Variants in DISC1 observed in about 807,000 individuals in gnomAD.
DISC1 encodes the protein DISC1 scaffold protein, also known as disrupted in schizophrenia 1 protein.
A neutral mutation model predicts 84.5 loss-of-function variants in DISC1; 57 were observed. The observed-to-expected ratio is 0.67, with a 90% CI of 0.55 to 0.84. DISC1 has a LOEUF of 0.84. Among genes scored for constraint, DISC1 ranks in the 40% least tolerant of loss-of-function variants. The pLI, the probability that DISC1 is intolerant of heterozygous loss-of-function variation, is 0.00. For missense variants in DISC1, 1,000 were observed against 1,057.8 expected (o/e 0.95, Z 0.76); for synonymous variants, 411 against 415.2 (o/e 0.99, Z 0.12).
intron 6 of DISC1, among the ~76,000 whole-genome samples, chr1:231,779,565 T>G (rs561710056): frequency 0.14 from 19,490 of 139,622 alleles, 1,043 homozygotes; most frequent in African/African-American, 0.18. Context: ...TTTTTTTTTT[T>G]TTTTTTTTTT....
At position 232,039,894 on chromosome 1, in the gene DISC1, G is replaced by C. The variant is rs1385747789; in HGVS notation, c.*3063G>C. 2 of 152,202 alleles carry C rather than the reference G, an allele frequency of 1.3e-5. No individual in the cohort carries two copies. The highest frequency in any genetic ancestry group is 1.3e-4 in the Admixed American group (2 of 15,278). The allele number at this position is 152,202 out of a possible 1,614,324, so 9.4% of individuals were successfully genotyped here. A position where few individuals can be genotyped will look rare whatever the true frequency, so the allele number is the denominator to read the frequency against. On this transcript the variant is annotated 3_prime_UTR_variant, in exon 13 of 13. Coordinates refer to ENST00000439617, the MANE Select transcript of DISC1 (RefSeq NM_018662.3). Reference sequence around the variant, plus strand: ...TGATATTATACTGTCTGCCTTGCTGGAATGCTGGCTTTCAAATGGTCACCC... The same window carrying C: ...TGATATTATACTGTCTGCCTTGCTGCAATGCTGGCTTTCAAATGGTCACCC...
chr1:231,854,840 C>T (rs758518632), intron 9 of DISC1: 13 of 329,900 alleles, frequency 3.9e-5, no homozygotes, highest in African/African-American at 1.3e-4. Context: ...CCTCAGCCTC[C>T]GGAGTAGCTG....
chr1:231,810,391 C>T (rs199930342), intron 8 of DISC1, among the ~76,000 whole-genome samples: 6 of 152,144 alleles, frequency 3.9e-5, no homozygotes, highest in Non-Finnish European at 7.3e-5. Flanking sequence ...TTACTATTTT[C>T]CCTCTTTCTA....
chr1:231,878,978 T>C (rs1183271595), intron 9 of DISC1, among the ~76,000 whole-genome samples: 1 of 152,202 alleles, frequency 6.6e-6, no homozygotes, highest in African/African-American at 2.4e-5. Context: ...TAGACCATGA[T>C]TTAATTATCA....
intron 9 of DISC1, among the ~76,000 whole-genome samples, chr1:231,952,090 CAAAAAAAAAAAAA>C (rs11392611): frequency 3.3e-4 from 18 of 54,244 alleles, no homozygotes; most frequent in African/African-American, 1.0e-3. Flanking sequence ...CTCAATGTCT[CAAAAAAAAAAAAA>C]AAAAAAAAAA....
At chr1:231,673,047 A>C (rs2062775592) in intron 1 of DISC1, among the ~76,000 whole-genome samples, 1 of 152,194 alleles carries the variant, frequency 6.6e-6, no homozygotes, top group Admixed American at 6.5e-5. Context: ...TGGTGAGTGC[A>C]GGGGGACTCC....
intron 1 of DISC1, among the ~76,000 whole-genome samples, chr1:231,646,339 T>C (rs2060131672): frequency 6.6e-6 from 1 of 152,152 alleles, no homozygotes; most frequent in Admixed American, 6.5e-5. Context: ...GAACTCATCC[T>C]TTTTTATGGC....
chr1:231,818,559 AT>A (rs756693120), intron 9 of DISC1, 42 bp downstream of exon 9: 1 of 1,611,762 alleles, frequency 6.2e-7, no homozygotes, highest in Non-Finnish European at 8.5e-7. Context: ...TATTGATGAT[AT>A]TTGTTGTGTT....
At chr1:231,952,458 C>A (rs1341954047) in intron 9 of DISC1, among the ~76,000 whole-genome samples, 4 of 152,038 alleles carry the variant, frequency 2.6e-5, no homozygotes, top group Non-Finnish European at 5.9e-5. Flanking sequence ...CTTGAGAGTT[C>A]TAGCTAAACT....
intron 10 of DISC1, among the ~76,000 whole-genome samples, chr1:231,963,083 T>C (rs1480856615): frequency 6.6e-6 from 1 of 152,176 alleles, no homozygotes; most frequent in Non-Finnish European, 1.5e-5. Flanking sequence ...ACCAATCTGG[T>C]CATTGCACAA....
At chr1:232,001,210 C>T (rs963205578) in intron 10 of DISC1, among the ~76,000 whole-genome samples, 2 of 152,160 alleles carry the variant, frequency 1.3e-5, no homozygotes, top group African/African-American at 4.8e-5. Context: ...TCCTGAGTAG[C>T]TGGAACTACA....
chr1:231,744,868 A>G (rs202112559), intron 3 of DISC1, among the ~76,000 whole-genome samples: 2 of 152,186 alleles, frequency 1.3e-5, no homozygotes, highest in Non-Finnish European at 2.9e-5. Flanking sequence ...ACTCATAAAC[A>G]ATTGTTTAAA....
At chr1:231,745,873 A>G (rs1352148311) in intron 3 of DISC1, among the ~76,000 whole-genome samples, 1 of 152,004 alleles carries the variant, frequency 6.6e-6, no homozygotes, top group East Asian at 1.9e-4. Context: ...ATCCCTCGAG[A>G]ATGGCTTGAT....
At chr1:231,744,841 A>G (rs1428878393) in intron 3 of DISC1, among the ~76,000 whole-genome samples, 2 of 152,194 alleles carry the variant, frequency 1.3e-5, no homozygotes, top group East Asian at 3.8e-4. Flanking sequence ...AACTTAGGAA[A>G]AAACACTACC....
intron 9 of DISC1, among the ~76,000 whole-genome samples, chr1:231,923,923 G>A (rs1281057113): frequency 6.6e-6 from 1 of 152,206 alleles, no homozygotes; most frequent in African/African-American, 2.4e-5. Flanking sequence ...GGCGTGATGG[G>A]AGCTTAGGGG....
chr1:231,719,925 A>T (rs199636443), intron 3 of DISC1, among the ~76,000 whole-genome samples: 5 of 152,220 alleles, frequency 3.3e-5, no homozygotes, highest in Admixed American at 6.5e-5. Context: ...GACCTTTAGT[A>T]GCTGATGACA....
At chr1:231,772,530 T>A (rs574699686) in intron 6 of DISC1, among the ~76,000 whole-genome samples, 2 of 152,288 alleles carry the variant, frequency 1.3e-5, no homozygotes, top group South Asian at 4.1e-4. Context: ...ACTCAACTCA[T>A]TATTGGCCGA....
chr1:231,753,919 A>T (rs1375823528), intron 4 of DISC1, among the ~76,000 whole-genome samples: 4 of 152,216 alleles, frequency 2.6e-5, no homozygotes, highest in African/African-American at 7.2e-5. Context: ...GGGCAGGGGC[A>T]CAATGCAGCC....
rs772615493 is a variant in DISC1 at position 232,009,148 on chromosome 1, C to T, written c.2307+99C>T. 5.2e-5 allele frequency: 81 copies of T among 1,554,282 alleles called. No individual in the cohort carries two copies. The highest frequency in any genetic ancestry group is 6.5e-5 in the Non-Finnish European group (75 of 1,148,108). ...GAACAATAAATATTGGGAAGGCTTC[C>T]CATTGAGCATATAAACTTTTAAAAG... On this transcript the variant is annotated intron_variant, in intron 11 of 12. Coordinates refer to ENST00000439617, the MANE Select transcript of DISC1 (RefSeq NM_018662.3). The surrounding 1 kb of genome is among the most constrained non-coding windows in gnomAD (Gnocchi z 4.6).
Sources: gnomAD v4.1 joint callset for allele counts (sites outside exome capture counted in the v4.1 genomes callset) on GRCh38, gnomAD v4.1.1 for gene constraint, Gnocchi (gnomAD v3.1) non-coding constraint, MANE v1.5 for transcripts, NCBI Gene and HGNC (gene_info 2026-07-23, HGNC 2026-07-21) for gene names.